Variants in ETFA observed in about 807,000 individuals in gnomAD.
ETFA encodes the protein electron transfer flavoprotein subunit alpha, mitochondrial.
Under a neutral mutation model 46.2 loss-of-function variants are expected in ETFA, and 22 were observed. That is an observed-to-expected ratio of 0.48 (90% CI 0.34 to 0.68). The LOEUF (loss-of-function observed/expected upper bound fraction) is 0.68, where lower values mean the gene tolerates loss of function less well. ETFA is among the 30% of genes least tolerant of loss of function. ETFA has a pLI of 0.01. For missense variants in ETFA, 345 were observed against 401.1 expected, an observed-to-expected ratio of 0.86 and a Z score of 1.19; for synonymous variants, 131 against 139.9, an observed-to-expected ratio of 0.94 and a Z score of 0.45.
intron 9 of ETFA, among the ~76,000 whole-genome samples, chr15:76,245,750 G>T (rs550928980): frequency 6.6e-6 from 1 of 152,308 alleles, no homozygotes; most frequent in African/African-American, 2.4e-5. Flanking sequence ...TTAGAAAACA[G>T]ATTCTTTAAT....
intron 9 of ETFA, chr15:76,260,006 T>C (rs113014250): frequency 0.16 from 203,436 of 1,275,442 alleles, 557 homozygotes; most frequent in Middle Eastern, 0.2. Flanking sequence ...CAAGCTGCTT[T>C]CCTGAGGAAC....
intron 9 of ETFA, among the ~76,000 whole-genome samples, chr15:76,238,499 T>C (rs2456056): frequency 0.98 from 149,386 of 152,296 alleles, 73,324 homozygotes; most frequent in South Asian, 1. Context: ...ACTGCCTCAA[T>C]CAGGACAAGA....
At chr15:76,295,177 C>T (rs1248008356) in intron 2 of ETFA, among the ~76,000 whole-genome samples, 2 of 152,186 alleles carry the variant, frequency 1.3e-5, no homozygotes, top group African/African-American at 2.4e-5. Flanking sequence ...AAGAATAGTA[C>T]TTAACATTCA....
chr15:76,233,258 G>A (rs1361113195), intron 9 of ETFA, among the ~76,000 whole-genome samples: 1 of 151,080 alleles, frequency 6.6e-6, no homozygotes, highest in Non-Finnish European at 1.5e-5. Context: ...CTCAGACATG[G>A]ACACTTGCAT....
chr15:76,284,021 T>C (rs2039681166), intron 7 of ETFA, among the ~76,000 whole-genome samples, 196 bp from the exon 8 acceptor site: 1 of 152,224 alleles, frequency 6.6e-6, no homozygotes, highest in Non-Finnish European at 1.5e-5. Context: ...TATGATTACC[T>C]AGTTAACTAA....
Position 76,286,502 on chromosome 15 carries a change from C to A in ETFA, c.452-21G>T, listed in dbSNP as rs774857002. On this transcript the variant is annotated intron_variant, in intron 5 of 11. Coordinates refer to ENST00000557943, the MANE Select transcript of ETFA (RefSeq NM_000126.4). Reference sequence around the variant, plus strand: ...ATTTCCTGAAACATACAATCTATTTCTTAAAAGCAACAGCAAAAGGCAACA... The same window carrying A: ...ATTTCCTGAAACATACAATCTATTTATTAAAAGCAACAGCAAAAGGCAACA... The A allele has an allele frequency of 3.3e-6, 5 of 1,532,834 alleles. No homozygotes were observed. The African/African-American group carries it at 6.8e-5, about 21-fold the overall frequency. 95.0% of individuals were successfully genotyped at this position (1,532,834 alleles called of 1,614,324 possible).
rs2039811365 is a variant in ETFA at position 76,295,726 on chromosome 15, T to C, written c.51A>G (p.Leu17=). The change falls in exon 2 of 12, where the codon CTA becomes CTG. Residue 17 remains leucine, a synonymous_variant. Transcript: ENST00000557943. The part of the protein sequence containing the change: ...PGQLRRAASL[L]RFQSTLVIAE... Reference sequence around the variant, plus strand: ...CTATTACCAGGGTACTCTGAAATCGTAGCAATGAGGCCTAAAAAGAGCAAA... The same window carrying C: ...CTATTACCAGGGTACTCTGAAATCGCAGCAATGAGGCCTAAAAAGAGCAAA... 3.1e-6 allele frequency: 5 copies of C among 1,609,778 alleles called. No individual in the cohort carries two copies. The highest frequency in any genetic ancestry group is 1.4e-5 in the African/African-American group (1 of 73,760).
intron 9 of ETFA, chr15:76,261,633 G>C (rs1417822373): frequency 4.6e-5 from 19 of 408,890 alleles, no homozygotes; most frequent in Non-Finnish European, 7.4e-5. Context: ...AGCAGCCCCA[G>C]CTGCTGTGGC....
chr15:76,257,911 C>T (rs1377036764), intron 9 of ETFA, among the ~76,000 whole-genome samples: 6 of 150,238 alleles, frequency 4.0e-5, no homozygotes, highest in Admixed American at 1.3e-4. Flanking sequence ...AGTAAATTAT[C>T]GCAAGGACAA....
At chr15:76,259,286 G>T in intron 9 of ETFA, 1 of 1,576,422 alleles carries the variant, frequency 6.3e-7, no homozygotes, top group Non-Finnish European at 8.7e-7. Context: ...CAGACAGCTG[G>T]CCCAGAATGT....
chr15:76,255,333 T>C (rs2039337333), intron 9 of ETFA, among the ~76,000 whole-genome samples: 1 of 152,212 alleles, frequency 6.6e-6, no homozygotes, highest in South Asian at 2.1e-4. Context: ...TTAACATAAA[T>C]GACATGAGTT....
At chr15:76,235,987 C>A (rs749404746) in intron 9 of ETFA, among the ~76,000 whole-genome samples, 1 of 152,176 alleles carries the variant, frequency 6.6e-6, no homozygotes, top group Non-Finnish European at 1.5e-5. Context: ...GGAATGAAAT[C>A]TTCAGACTTT....
chr15:76,255,949 G>A (rs1342529241), intron 9 of ETFA, among the ~76,000 whole-genome samples: 1 of 151,366 alleles, frequency 6.6e-6, no homozygotes, highest in Non-Finnish European at 1.5e-5. Flanking sequence ...TAAGGTCCTT[G>A]ATAAAGCAGT....
rs150715498 is a variant in ETFA at position 76,309,475 on chromosome 15, A to C, written c.39+1875T>G. ...CAAAACAAACAAACAAACAAACAAA[A>C]AAAACAGCTATTCTACTTAGCTTGA... is the stretch of plus-strand genomic sequence containing the variant. On this transcript the variant is annotated intron_variant, in intron 1 of 11. Transcript: ENST00000557943. 4.5e-4 allele frequency among the ~76,000 whole-genome samples: 68 copies of C among 152,292 alleles called. No homozygotes were observed. In the East Asian group the frequency reaches 7.7e-3, roughly 17 times the overall value.
chr15:76,229,492 G>A (rs1025933750), intron 10 of ETFA, among the ~76,000 whole-genome samples: 1 of 152,210 alleles, frequency 6.6e-6, no homozygotes, highest in Non-Finnish European at 1.5e-5. Context: ...ATTTTCACTG[G>A]TATCTTCTTG....
In ETFA at chr15:76,253,027, C is replaced by T. The variant is rs533826959; in HGVS notation, c.816+21385G>A. On this transcript the variant is annotated intron_variant, in intron 9 of 11. Transcript: ENST00000557943. Reference sequence around the variant, plus strand: ...CTGCTGGCCTCAAGCAATCCTCCCACCTCAGTCTCCTGAATAGCCGGGACT... The same window carrying T: ...CTGCTGGCCTCAAGCAATCCTCCCATCTCAGTCTCCTGAATAGCCGGGACT... 2.6e-5 allele frequency among the ~76,000 whole-genome samples: 4 copies of T among 152,118 alleles called. No individual in the cohort carries two copies. In the East Asian group the frequency reaches 7.7e-4, roughly 29 times the overall value.
intron 1 of ETFA, among the ~76,000 whole-genome samples, chr15:76,307,668 G>A (rs1260160551): frequency 6.6e-6 from 1 of 151,518 alleles, no homozygotes; most frequent in African/African-American, 2.4e-5. Context: ...TTTTTTGGTA[G>A]AGATGGGGTT....
chr15:76,264,857 A>G (rs1175891055), intron 9 of ETFA, among the ~76,000 whole-genome samples: 1 of 152,260 alleles, frequency 6.6e-6, no homozygotes, highest in Non-Finnish European at 1.5e-5. Context: ...GTAGAAATGG[A>G]AATCAAAAGG....
intron 8 of ETFA, among the ~76,000 whole-genome samples, chr15:76,278,367 G>A (rs1398630910): frequency 1.3e-5 from 2 of 151,910 alleles, no homozygotes; most frequent in Admixed American, 1.3e-4. Flanking sequence ...TCTTGTTTTT[G>A]CCCACCTTAA....
Sources: gnomAD v4.1 joint callset for allele counts (sites outside exome capture counted in the v4.1 genomes callset) on GRCh38, gnomAD v4.1.1 for gene constraint, MANE v1.5 for transcripts, NCBI Gene and HGNC (gene_info 2026-07-23, HGNC 2026-07-21) for gene names.